Variants in PRMT7 observed in about 807,000 individuals in gnomAD.
PRMT7 encodes the protein protein arginine methyltransferase 7.
In PRMT7, 75 loss-of-function variants were observed where a neutral mutation model predicts 85.4. That is an observed-to-expected ratio of 0.88 (90% CI 0.73 to 1.06). The LOEUF (loss-of-function observed/expected upper bound fraction) is 1.06. PRMT7 is among the 50% of genes least tolerant of loss of function. The probability of loss-of-function intolerance (pLI) is 0.00; values close to 1 mark genes in which losing one functional copy is unlikely to be tolerated. For synonymous variants in PRMT7, 397 were observed against 359.5 expected, an observed-to-expected ratio of 1.10 and a Z score of -1.18; for missense variants, 868 against 915.2, an observed-to-expected ratio of 0.95 and a Z score of 0.67.
intron 2 of PRMT7, among the ~76,000 whole-genome samples, chr16:68,313,840 T>G (rs2044306054): frequency 1.3e-5 from 2 of 152,264 alleles, no homozygotes; most frequent in Middle Eastern, 3.4e-3. Flanking sequence ...GAGGCTGACG[T>G]AGGAGGATCG....
Position 68,352,349 on chromosome 16 carries a change from G to T in PRMT7, c.1515G>T (p.Gly505=), listed in dbSNP as rs746661698. ...GGACCGCTGTGGACCAGCACCTGGG[G>T]CCAGGTGCCATGGTGATGCCCCAGG... The part of the protein sequence containing the change: ...YVRTAVDQHL[G]PGAMVMPQAA... Residue 505 remains glycine (G), a synonymous_variant, in exon 15 of 19, where the codon GGG becomes GGT. Coordinates refer to ENST00000441236, the MANE Select transcript of PRMT7 (RefSeq NM_019023.5). The T allele has an allele frequency of 6.2e-7, 1 of 1,611,646 alleles. No homozygotes were observed. The highest frequency in any genetic ancestry group is 1.1e-5 in the South Asian group (1 of 91,082).
intron 6 of PRMT7, among the ~76,000 whole-genome samples, chr16:68,336,949 C>T (rs761387931): frequency 1.9e-4 from 29 of 152,154 alleles, no homozygotes; most frequent in Non-Finnish European, 2.8e-4. Context: ...GATGGGGTTT[C>T]GCCATGATGG....
At chr16:68,345,857 T>TCC in intron 10 of PRMT7, 55 bp downstream of exon 10, 1 of 1,606,066 alleles carries the variant, frequency 6.2e-7, no homozygotes, top group Middle Eastern at 1.7e-4. Context: ...GTATGTAAAT[T>TCC]CCCCATTTAC....
In PRMT7 at chr16:68,329,083, T is replaced by C. The variant is rs1319403423; in HGVS notation, c.300T>C (p.Ala100=). Residue 100 remains alanine, a synonymous_variant, in exon 6 of 19, where the codon GCT becomes GCC. Coordinates refer to ENST00000441236, the MANE Select transcript of PRMT7 (RefSeq NM_019023.5). ...TTTTCTAGGTTTTCAAGCCTATGGC[T>C]GATGCTGCTGTGAAGATTGTGGAGA... ...CYAIEVFKPM[A]DAAVKIVEKN... is the part of the protein sequence containing the mutation. 7 of 1,610,466 alleles carry C rather than the reference T, an allele frequency of 4.3e-6. No individual in the cohort carries two copies. In the South Asian group the frequency reaches 5.5e-5, roughly 13 times the overall value.
chr16:68,356,909 C>A, intron 18 of PRMT7, 112 bp downstream of exon 18: 1 of 1,367,764 alleles, frequency 7.3e-7, no homozygotes, highest in Non-Finnish European at 1.0e-6. Flanking sequence ...GTTCTTCGGG[C>A]CAGATGATGA....
At chr16:68,320,315 A>G (rs1321938793) in intron 3 of PRMT7, among the ~76,000 whole-genome samples, 3 of 152,208 alleles carry the variant, frequency 2.0e-5, no homozygotes, top group African/African-American at 7.2e-5. Context: ...ACACAGAAAT[A>G]TAGAGTGCAG....
rs148730944 is a variant in PRMT7 at position 68,311,209 on chromosome 16, C to G, written c.-219+110C>G. The G allele has an allele frequency of 3.6e-4, 195 of 547,920 alleles. 3 individuals carry two copies. In the East Asian group the frequency reaches 6.3e-3, roughly 18 times the overall value. 33.9% of individuals were successfully genotyped at this position (547,920 alleles called of 1,614,324 possible). A position where few individuals can be genotyped will look rare whatever the true frequency, so the allele number is the denominator to read the frequency against. On this transcript the variant is annotated intron_variant, in intron 1 of 18. Transcript: ENST00000441236. ...GGCAGAGGAGCCTAGCGTGGGCCTACTTGGACTCCTCCGCGTGGGGCAGCT... is the reference window on the plus strand; with the variant it reads ...GGCAGAGGAGCCTAGCGTGGGCCTAGTTGGACTCCTCCGCGTGGGGCAGCT...
chr16:68,321,892 C>T (rs1041476593), intron 4 of PRMT7, among the ~76,000 whole-genome samples: 1 of 152,126 alleles, frequency 6.6e-6, no homozygotes, highest in East Asian at 1.9e-4. Flanking sequence ...TCCTATCTGA[C>T]TGAAACATCA....
At chr16:68,334,187 C>T (rs912300525) in intron 6 of PRMT7, among the ~76,000 whole-genome samples, 9 of 152,188 alleles carry the variant, frequency 5.9e-5, no homozygotes, top group South Asian at 2.1e-4. Context: ...TCATGCACTG[C>T]GTGGGTTGTA....
At chr16:68,329,295 G>GGA (rs1009366656) in intron 6 of PRMT7, 121 bp downstream of exon 6, 2 of 676,818 alleles carry the variant, frequency 3.0e-6, no homozygotes, top group African/African-American at 3.6e-5. Context: ...CTCTCTGTGT[G>GGA]GAGCTCTGAC....
intron 15 of PRMT7, 88 bp from the exon 16 acceptor site, chr16:68,353,404 G>C (rs1326144099): frequency 6.3e-7 from 1 of 1,595,002 alleles, no homozygotes; most frequent in Admixed American, 1.7e-5. Flanking sequence ...GGTGTGCAGG[G>C]AACAGCAAGA....
rs570454283 is a variant in PRMT7, at chr16:68,356,850, C to T, written c.1908+53C>T. The T allele has an allele frequency of 1.0e-4, 161 of 1,536,982 alleles. 1 individual carries two copies. The African/African-American group carries it at 1.3e-3, about 12-fold the overall frequency. ...GCGTGCAGACCCTGAGAGCAGGCGCCGCCTGGGGAGGCCTCCCTGCCCCCA... is the reference window on the plus strand; with the variant it reads ...GCGTGCAGACCCTGAGAGCAGGCGCTGCCTGGGGAGGCCTCCCTGCCCCCA... On this transcript the variant is annotated intron_variant, in intron 18 of 18. Coordinates refer to ENST00000441236, the MANE Select transcript of PRMT7 (RefSeq NM_019023.5).
Position 68,355,992 on chromosome 16 carries a change from G to A in PRMT7, c.1811+109G>A. ...TGGGAGACGCTGACACGTGGAGGGG[G>A]TATTCGTCCTCCCCACAACCTTGCC... On this transcript the variant is annotated intron_variant, in intron 17 of 18. Transcript: ENST00000441236. The A allele has an allele frequency of 2.5e-6, 3 of 1,207,578 alleles. No individual in the cohort carries two copies. In the South Asian group the frequency reaches 5.4e-5, roughly 22 times the overall value. 74.8% of individuals were successfully genotyped at this position (1,207,578 alleles called of 1,614,324 possible).
At chr16:68,321,291 A>G in intron 3 of PRMT7, 135 bp from the exon 4 acceptor site, 1 of 651,534 alleles carries the variant, frequency 1.5e-6, no homozygotes, top group South Asian at 2.8e-5. Context: ...ATAAATAAAG[A>G]TAAAAGACAA....
rs1360289737 is a variant in PRMT7, at chr16:68,358,167, G to C, written c.*943G>C. ...AGGTGAGGCTTGTGCCAGGCCAGCC[G>C]AGCCGCCTGTATGAGCAGAGTTCCG... is the stretch of plus-strand genomic sequence containing the variant. On this transcript the variant is annotated 3_prime_UTR_variant, in exon 19 of 19. Transcript: ENST00000441236. The C allele has an allele frequency of 6.6e-6, 1 of 152,324 alleles. No homozygotes were observed. Among genetic ancestry groups the C allele is most frequent in the South Asian group, 2.1e-4 (1 of 4,836 alleles). 9.4% of individuals were successfully genotyped at this position (152,324 alleles called of 1,614,324 possible). A position where few individuals can be genotyped will look rare whatever the true frequency, so the allele number is the denominator to read the frequency against.
intron 5 of PRMT7, 44 bp downstream of exon 5, chr16:68,324,876 A>G (rs2082920601): frequency 1.2e-6 from 2 of 1,607,572 alleles, no homozygotes; most frequent in African/African-American, 1.3e-5. Flanking sequence ...CTTGCATGGG[A>G]AATCCCCTAT....
chr16:68,339,510 C>T lies in PRMT7; in HGVS notation c.693C>T (p.Asn231=). The change falls in exon 8 of 19, where the codon AAC becomes AAT. Residue 231 remains asparagine, a synonymous_variant. Coordinates refer to ENST00000441236, the MANE Select transcript of PRMT7 (RefSeq NM_019023.5). ...CCTCTGTCTGTGACATTCAGCTGAA[C>T]CAGGTGTCACCAGCCGACTTTACAG... ...GAPSVCDIQL[N]QVSPADFTVL... 1 of 1,614,168 alleles carries T rather than the reference C, an allele frequency of 6.2e-7. No homozygotes were observed. Among genetic ancestry groups the T allele is most frequent in the Middle Eastern group, 1.6e-4 (1 of 6,062 alleles).
rs747851176 is a variant in PRMT7, at chr16:68,352,261, T to C, written c.1427T>C (p.Leu476Pro). 1 of 1,613,142 alleles carries C rather than the reference T, an allele frequency of 6.2e-7. No homozygotes were observed. The highest frequency in any genetic ancestry group is 2.2e-5 in the East Asian group (1 of 44,874). The change falls in exon 15 of 19, where the codon CTG (leucine) becomes CCG (proline). Residue 476 changes from leucine to proline, a missense_variant. Leu to Pro is a moderately conservative substitution (Grantham distance 98, BLOSUM62 -3). Transcript: ENST00000441236. ...CCCATTCACCAGGTCTCTCTCCTCCTGGGCGAGCCGTTCTTCACTACCAGC... is the reference window on the plus strand; with the variant it reads ...CCCATTCACCAGGTCTCTCTCCTCCCGGGCGAGCCGTTCTTCACTACCAGC... ...DLQGRKVSLL[L>P]GEPFFTTSLL...
At chr16:68,343,525 C>G (rs1474156382) in intron 9 of PRMT7, among the ~76,000 whole-genome samples, 1 of 152,182 alleles carries the variant, frequency 6.6e-6, no homozygotes, top group Non-Finnish European at 1.5e-5. Context: ...GTCTGTCCCA[C>G]CTTGGCACAG....
Sources: gnomAD v4.1 joint callset for allele counts (sites outside exome capture counted in the v4.1 genomes callset) on GRCh38, gnomAD v4.1.1 for gene constraint, MANE v1.5 for transcripts, NCBI Gene and HGNC (gene_info 2026-07-23, HGNC 2026-07-21) for gene names.